Variants in CMTR1 observed in about 807,000 individuals in gnomAD.
The protein encoded by CMTR1 is cap methyltransferase 1.
CMTR1 carries 39 observed loss-of-function variants against 107.0 expected under a neutral mutation model. That is an observed-to-expected ratio of 0.36 (90% CI 0.28 to 0.48). The LOEUF (loss-of-function observed/expected upper bound fraction) is 0.48. CMTR1 is among the 20% of genes least tolerant of loss of function. The pLI is 0.99. For synonymous variants in CMTR1, 366 were observed against 379.5 expected, an observed-to-expected ratio of 0.96 and a Z score of 0.41; for missense variants, 672 against 1,064.9, an observed-to-expected ratio of 0.63 and a Z score of 5.14.
Position 37,469,057 on chromosome 6 carries a change from C to A in CMTR1, c.1506-1964C>A, listed in dbSNP as rs901828946. Among the ~76,000 whole-genome samples, 7 of 152,228 alleles carry A rather than the reference C, an allele frequency of 4.6e-5. No individual in the cohort carries two copies. The East Asian group carries it at 1.4e-3, about 29-fold the overall frequency. On this transcript the variant is annotated intron_variant, in intron 13 of 23. Transcript: ENST00000373451. The stretch of plus-strand genomic sequence containing the variant: ...CCTTCTGGCCAAAGAATTGCTTGAA[C>A]CCAGGAGATGGAGGCTGCAGTGAGC...
At chr6:37,428,057 A>AGAGAGAGAGAGAGAGAGAGAGAGAGAGG in the CMTR1 span, among the ~76,000 whole-genome samples, 1 of 143,238 alleles carries the variant, frequency 7.0e-6, no homozygotes. Context: ...AGAGAGAGAG[A>AGAGAGAGAGAGAGAGAGAGAGAGAGAGG]GAGAAACTCT....
chr6:37,451,716 C>A (rs1581736077), intron 5 of CMTR1, 90 bp from the exon 6 acceptor site: 1 of 916,916 alleles, frequency 1.1e-6, no homozygotes. Context: ...TCCCTTCTTG[C>A]TCTACTTACT....
chr6:37,469,849 C>T (rs1761587231), intron 13 of CMTR1, among the ~76,000 whole-genome samples: 1 of 151,540 alleles, frequency 6.6e-6, no homozygotes, highest in Non-Finnish European at 1.5e-5. Flanking sequence ...TTTATTCTTT[C>T]CTCTGCTTCT....
At chr6:37,478,380 T>G (rs1410408454) in intron 21 of CMTR1, 29 bp from the exon 22 acceptor site, 2 of 1,558,980 alleles carry the variant, frequency 1.3e-6, no homozygotes, top group South Asian at 2.2e-5. Context: ...CTTTTCTCTC[T>G]CATGCACGTA....
At chr6:37,428,045 A>AGAGG in the CMTR1 span, among the ~76,000 whole-genome samples, 2 of 147,378 alleles carry the variant, frequency 1.4e-5, no homozygotes, top group Non-Finnish European at 3.0e-5. Context: ...AGAGAGAGAG[A>AGAGG]GAGAGAGAGA....
chr6:37,461,830 C>G (rs1388451301), intron 11 of CMTR1, 140 bp from the exon 12 acceptor site: 9 of 998,192 alleles, frequency 9.0e-6, no homozygotes, highest in Non-Finnish European at 1.4e-5. Flanking sequence ...AAAGATGGTT[C>G]TCCCCCTTAA....
At position 37,462,035 on chromosome 6, in the gene CMTR1, C is replaced by T. The variant is rs1562124260; in HGVS notation, c.1258C>T (p.Leu420=). The T allele has an allele frequency of 1.2e-6, 2 of 1,613,972 alleles. 1 individual carries two copies. Among genetic ancestry groups the T allele is most frequent in the South Asian group, 2.2e-5 (2 of 91,062 alleles). The change falls in exon 12 of 24, where the codon CTG becomes TTG. Residue 420 remains leucine, a synonymous_variant. Coordinates refer to ENST00000373451, the MANE Select transcript of CMTR1 (RefSeq NM_015050.3). ...TPFSVGLVYL[L]YCCFERVCLF... is the part of the protein sequence containing the mutation. ...GTTTAGTGTGGGGCTTGTCTACCTG[C>T]TGTACTGCTGCTTTGAACGAGTTTG...
chr6:37,425,572 G>A, the CMTR1 span, among the ~76,000 whole-genome samples: 2 of 152,246 alleles, frequency 1.3e-5, no homozygotes, highest in South Asian at 2.1e-4. Flanking sequence ...TTACAGGCAT[G>A]AGCCACCACG....
chr6:37,473,705 A>C, intron 17 of CMTR1, 104 bp downstream of exon 17: 3 of 1,367,920 alleles, frequency 2.2e-6, no homozygotes, highest in Non-Finnish European at 3.0e-6. Context: ...TCTTGGCATT[A>C]AGTAGCTGTT....
chr6:37,437,062 C>T (rs1771544528), intron 2 of CMTR1, among the ~76,000 whole-genome samples: 1 of 152,124 alleles, frequency 6.6e-6, no homozygotes, highest in African/African-American at 2.4e-5. Flanking sequence ...TCGCTGTAGT[C>T]CAGGCTAGAT....
chr6:37,454,665 T>A (rs1050660930), intron 8 of CMTR1, among the ~76,000 whole-genome samples: 1 of 152,176 alleles, frequency 6.6e-6, no homozygotes, highest in Non-Finnish European at 1.5e-5. Flanking sequence ...GTAGAGGTGT[T>A]AGTTACATAG....
At chr6:37,441,221 C>T (rs1771667339) in intron 2 of CMTR1, among the ~76,000 whole-genome samples, 1 of 152,014 alleles carries the variant, frequency 6.6e-6, no homozygotes, top group African/African-American at 2.4e-5. Context: ...CATGTGGGCA[C>T]TCTGTTGCAG....
intron 18 of CMTR1, 110 bp downstream of exon 18, chr6:37,474,756 A>G: frequency 1.3e-6 from 2 of 1,491,528 alleles, no homozygotes; most frequent in Non-Finnish European, 9.1e-7. Context: ...GGTGGCTGAC[A>G]GGGCCCAGGG....
rs750214589 is a variant in CMTR1, at chr6:37,458,591, G to C, written c.778-21G>C. On this transcript the variant is annotated intron_variant, in intron 8 of 23. Transcript: ENST00000373451. This position sits in a 1 kb window ranked among gnomAD's most constrained non-coding sequence, Gnocchi z 4.7. ...GCTGTCTTGTTTTCCTTCCTCTCCTGTCCTCCACTTGCCTTTGCAGAAGCC... is the reference window on the plus strand; with the variant it reads ...GCTGTCTTGTTTTCCTTCCTCTCCTCTCCTCCACTTGCCTTTGCAGAAGCC... 3 of 1,611,464 alleles carry C rather than the reference G, an allele frequency of 1.9e-6. No individual in the cohort carries two copies. In the Admixed American group the frequency reaches 5.0e-5, roughly 27 times the overall value.
At chr6:37,463,972 G>C (rs1159197022) in intron 13 of CMTR1, among the ~76,000 whole-genome samples, 2 of 152,170 alleles carry the variant, frequency 1.3e-5, no homozygotes, top group Non-Finnish European at 2.9e-5. Flanking sequence ...TCTTTTGGCT[G>C]AACAAGTGTG....
chr6:37,459,890 G>T (rs1332149771), intron 10 of CMTR1, among the ~76,000 whole-genome samples: 2 of 152,218 alleles, frequency 1.3e-5, no homozygotes, highest in East Asian at 3.8e-4. Context: ...TTTGCCTGGA[G>T]CAGGGTGATC....
intron 14 of CMTR1, 40 bp from the exon 15 acceptor site, chr6:37,471,807 T>C (rs2113891242): frequency 6.2e-7 from 1 of 1,600,810 alleles, no homozygotes; most frequent in South Asian, 1.1e-5. Flanking sequence ...CTCCTGTGCC[T>C]CTTAGAGATT....
chr6:37,428,042 GAGAGAGAGAGAGAGA>G, the CMTR1 span, among the ~76,000 whole-genome samples: 1 of 146,748 alleles, frequency 6.8e-6, no homozygotes, highest in African/African-American at 2.6e-5. Context: ...GAGAGAGAGA[GAGAGAGAGAGAGAGA>G]GAGAAACTCT....
At chr6:37,427,582 T>C in the CMTR1 span, among the ~76,000 whole-genome samples, 1 of 152,202 alleles carries the variant, frequency 6.6e-6, no homozygotes, top group Non-Finnish European at 1.5e-5. The surrounding 1 kb of genome is among the most constrained non-coding windows in gnomAD (Gnocchi z 4.4). Context: ...ATGTTATATG[T>C]TTTGCTTTTA....
Sources: allele counts gnomAD v4.1 joint callset (sites outside exome capture counted in the v4.1 genomes callset), GRCh38; gene constraint gnomAD v4.1.1; non-coding constraint Gnocchi (gnomAD v3.1); transcripts MANE v1.5; gene names NCBI Gene and HGNC (gene_info 2026-07-23, HGNC 2026-07-21).